The following METTL15 variants were observed in gnomAD, a reference collection of about 807,000 sequenced individuals.
The protein encoded by METTL15 is 12S rRNA N(4)-cytidine methyltransferase METTL15.
A neutral mutation model predicts 38.3 loss-of-function variants in METTL15; 34 were observed. The ratio of observed to expected loss-of-function variants is 0.89; its 90% CI spans 0.68 to 1.18. METTL15 has a LOEUF of 1.18. Ranked by LOEUF, METTL15 falls within the 50% of genes most tolerant of loss-of-function variation. METTL15 has a pLI of 0.00. For synonymous variants in METTL15, 162 were observed against 170.9 expected (o/e 0.95, Z 0.41); for missense variants, 438 against 498.4 (o/e 0.88, Z 1.15).
rs75981651 is a variant in METTL15 at position 28,518,296 on chromosome 11, T to C, written c.*425-8182T>C. On this transcript the variant is annotated intron_variant and NMD_transcript_variant, in intron 6 of 7. Coordinates refer to the METTL15 transcript ENST00000532947. The stretch of plus-strand genomic sequence containing the variant: ...AAGAAAGACTTTTGGGAAGGAACTA[T>C]CCTGGTTGTTATCATGGTCCATGAA... Among the ~76,000 whole-genome samples the C allele has an allele frequency of 5.8e-3, 885 of 152,288 alleles. 9 individuals are homozygous for C. The highest frequency in any genetic ancestry group is 0.019 in the African/African-American group (796 of 41,560).
intron 5 of METTL15, among the ~76,000 whole-genome samples, chr11:28,383,638 A>G (rs1850411102): frequency 6.6e-6 from 1 of 151,930 alleles, no homozygotes; most frequent in Admixed American, 6.6e-5. Flanking sequence ...GTTATTTTTG[A>G]CTTTTTAATA....
downstream of METTL15, chr11:28,527,075 A>C (rs1851817339): frequency 6.6e-6 from 1 of 152,216 alleles, no homozygotes; most frequent in Non-Finnish European, 1.5e-5. Context: ...ATTTTCTGAG[A>C]AGACATTTTC....
chr11:28,173,755 T>G (rs1424875104), intron 3 of METTL15, among the ~76,000 whole-genome samples: 2 of 152,212 alleles, frequency 1.3e-5, no homozygotes, highest in Non-Finnish European at 2.9e-5. Flanking sequence ...CCCTTTAGCT[T>G]CCTCTTGGCT....
At chr11:28,253,577 C>G (rs925952977) in intron 4 of METTL15, among the ~76,000 whole-genome samples, 5 of 151,544 alleles carry the variant, frequency 3.3e-5, no homozygotes, top group African/African-American at 1.2e-4. Context: ...TCTTTTGCAT[C>G]TATTAAACAT....
intron 6 of METTL15, among the ~76,000 whole-genome samples, chr11:28,428,563 T>C (rs1392707291): frequency 6.6e-6 from 1 of 152,172 alleles, no homozygotes; most frequent in Non-Finnish European, 1.5e-5. Context: ...AATTTAAAAA[T>C]ATGTAATCTA....
chr11:28,431,790 TAAAAAAAAAAAAAAAAAGAAAAA>T (rs1001002226), intron 6 of METTL15, among the ~76,000 whole-genome samples: 3 of 71,498 alleles, frequency 4.2e-5, no homozygotes, highest in East Asian at 7.9e-4. Context: ...AAAATAAATT[TAAAAAAAAAAAAAAAAAGAAAAA>T]AAAAAAAAAA....
intron 4 of METTL15, among the ~76,000 whole-genome samples, chr11:28,240,590 C>G (rs1854250983): frequency 6.6e-6 from 1 of 152,130 alleles, no homozygotes; most frequent in Admixed American, 6.5e-5. Flanking sequence ...ATAGCTTGTT[C>G]TACTAGGATT....
intron 6 of METTL15, among the ~76,000 whole-genome samples, chr11:28,525,426 C>A (rs1171006580): frequency 6.6e-6 from 1 of 152,124 alleles, no homozygotes; most frequent in Non-Finnish European, 1.5e-5. Context: ...TATTTACAAA[C>A]CCTGAGCTAG....
At chr11:28,318,805 G>A (rs1056376910) in intron 6 of METTL15, among the ~76,000 whole-genome samples, 3 of 152,080 alleles carry the variant, frequency 2.0e-5, no homozygotes, top group Non-Finnish European at 4.4e-5. Flanking sequence ...CATATATACT[G>A]CATTGGATGA....
intron 5 of METTL15, among the ~76,000 whole-genome samples, chr11:28,378,645 A>C (rs982490525): frequency 1.3e-5 from 2 of 152,148 alleles, no homozygotes; most frequent in East Asian, 3.9e-4. Context: ...AGCTGTAGAC[A>C]GGAGCTGTTC....
At chr11:28,508,058 T>C (rs556688447) in intron 6 of METTL15, among the ~76,000 whole-genome samples, 2 of 152,312 alleles carry the variant, frequency 1.3e-5, no homozygotes, top group South Asian at 2.1e-4. Flanking sequence ...ATTTCTAACG[T>C]CATTTTTTCC....
rs1849488852 is a variant in METTL15, at chr11:28,135,630, A to G, written c.270+22026A>G. ...CTTGGTGAAACAACCAGTTTCTCCAATTGTGTCCTGTTGCAAAGGAAAATG... is the reference window on the plus strand; with the variant it reads ...CTTGGTGAAACAACCAGTTTCTCCAGTTGTGTCCTGTTGCAAAGGAAAATG... On this transcript the variant is annotated intron_variant, in intron 3 of 6. Coordinates refer to ENST00000407364, the MANE Select transcript of METTL15 (RefSeq NM_001113528.2). Among the ~76,000 whole-genome samples the G allele has an allele frequency of 1.3e-5, 2 of 152,218 alleles. 1 individual carries two copies. The highest frequency in any genetic ancestry group is 4.8e-5 in the African/African-American group (2 of 41,468).
chr11:28,479,349 G>A (rs1327346271), intron 6 of METTL15, among the ~76,000 whole-genome samples: 2 of 152,130 alleles, frequency 1.3e-5, no homozygotes, highest in African/African-American at 4.8e-5. Flanking sequence ...ATACCCAAAA[G>A]AGTGATGTAA....
intron 4 of METTL15, among the ~76,000 whole-genome samples, chr11:28,214,069 T>G (rs990471171): frequency 1.3e-5 from 2 of 152,026 alleles, no homozygotes; most frequent in Admixed American, 6.6e-5. Context: ...TGGAGACAAG[T>G]TTTCACTCTG....
intron 4 of METTL15, among the ~76,000 whole-genome samples, chr11:28,280,992 A>G (rs974008264): frequency 2.0e-5 from 3 of 152,138 alleles, no homozygotes; most frequent in African/African-American, 7.2e-5. Context: ...GTCTGTTTCT[A>G]TAACATATTC....
chr11:28,488,759 T>C (rs1255531621), intron 6 of METTL15, among the ~76,000 whole-genome samples: 1 of 152,148 alleles, frequency 6.6e-6, no homozygotes, highest in Non-Finnish European at 1.5e-5. Flanking sequence ...CAACTGATTC[T>C]AAATAAGTCT....
At chr11:28,245,712 C>T (rs1267379556) in intron 4 of METTL15, among the ~76,000 whole-genome samples, 1 of 152,052 alleles carries the variant, frequency 6.6e-6, no homozygotes, top group East Asian at 1.9e-4. Flanking sequence ...GTTCCATAGG[C>T]TGTATAGGTA....
intron 3 of METTL15, among the ~76,000 whole-genome samples, chr11:28,138,339 A>T (rs916234324): frequency 6.6e-6 from 1 of 152,218 alleles, no homozygotes; most frequent in African/African-American, 2.4e-5. Context: ...TCTAGCTTGG[A>T]TATCCACTTT....
intron 5 of METTL15, among the ~76,000 whole-genome samples, chr11:28,406,479 A>G (rs1056463605): frequency 1.3e-5 from 2 of 152,020 alleles, no homozygotes; most frequent in African/African-American, 4.8e-5. Context: ...TTTGGTGTAC[A>G]TGTGCCACAT....
Sources: gnomAD v4.1 joint callset for allele counts (sites outside exome capture counted in the v4.1 genomes callset) on GRCh38, gnomAD v4.1.1 for gene constraint, MANE v1.5 for transcripts, NCBI Gene and HGNC (gene_info 2026-07-23, HGNC 2026-07-21) for gene names.